Variants in STRADB observed in about 807,000 individuals in gnomAD.
STRADB encodes the protein STE20 related adaptor beta.
Under a neutral mutation model 52.1 loss-of-function variants are expected in STRADB, and 34 were observed. The ratio of observed to expected loss-of-function variants is 0.65; its 90% confidence interval spans 0.50 to 0.87. The LOEUF (loss-of-function observed/expected upper bound fraction) is 0.87. Ranked by LOEUF, STRADB falls within the 40% of genes least tolerant of loss-of-function variation. The pLI, the probability that STRADB is intolerant of heterozygous loss-of-function variation, is 0.00. For missense variants in STRADB, 340 were observed against 483.9 expected (o/e 0.70, Z 2.79); for synonymous variants, 133 against 174.5 (o/e 0.76, Z 1.87).
chr2:201,465,290 G>A (rs1277349996), intron 3 of STRADB, among the ~76,000 whole-genome samples: 2 of 152,206 alleles, frequency 1.3e-5, no homozygotes, highest in African/African-American at 2.4e-5. Flanking sequence ...TATTCAAGGC[G>A]CAAGGTCTTG....
rs1952169358 is a variant in STRADB, at chr2:201,458,878, T to C, written c.93+14T>C. 6.2e-7 allele frequency: 1 copy of C among 1,609,500 alleles called. No homozygotes were observed. The highest frequency in any genetic ancestry group is 1.3e-5 in the African/African-American group (1 of 74,740). On this transcript the variant is annotated intron_variant, in intron 3 of 11. Coordinates refer to ENST00000194530, the MANE Select transcript of STRADB (RefSeq NM_018571.6). ...CATCAATACTTGGTAAGAAAATGGT[T>C]AGGCTGGATGCAGTGGTTCACACCT...
intron 2 of STRADB, among the ~76,000 whole-genome samples, chr2:201,455,432 GA>G (rs747590471): frequency 0.55 from 83,327 of 151,280 alleles, 23,943 homozygotes; most frequent in Non-Finnish European, 0.65. Context: ...GTAATGAGTA[GA>G]CCACGTGTAG....
At position 201,478,735 on chromosome 2, in the gene STRADB, A is replaced by G. The variant is rs529849379; in HGVS notation, c.1070+134A>G. 50 of 1,085,776 alleles carry G rather than the reference A, an allele frequency of 4.6e-5. No homozygotes were observed. In the East Asian group the frequency reaches 5.5e-4, roughly 12 times the overall value. 67.3% of individuals were successfully genotyped at this position (1,085,776 alleles called of 1,614,324 possible). ...GTCTGCTCTAGAAAATATCAATGCT[A>G]AGAACAATTAGTGGGAACAAGCAAA... On this transcript the variant is annotated intron_variant, in intron 10 of 11. Transcript: ENST00000194530.
chr2:201,479,980 C>T, intron 11 of STRADB, 52 bp from the exon 12 acceptor site: 1 of 1,576,522 alleles, frequency 6.3e-7, no homozygotes, highest in African/African-American at 1.3e-5. Context: ...GCTAACAAAA[C>T]TGATATATTG....
chr2:201,473,310 C>T (rs1468019981), intron 5 of STRADB, among the ~76,000 whole-genome samples: 3 of 151,954 alleles, frequency 2.0e-5, no homozygotes, highest in African/African-American at 4.8e-5. Flanking sequence ...AGCTTATATG[C>T]GAATATTATG....
intron 3 of STRADB, among the ~76,000 whole-genome samples, chr2:201,460,547 C>T (rs1311306459): frequency 1.3e-5 from 2 of 151,912 alleles, no homozygotes; most frequent in Non-Finnish European, 1.5e-5. Context: ...CCTTCTTGGC[C>T]TCTATTCTCT....
chr2:201,453,389 A>G (rs1252681439), intron 1 of STRADB, among the ~76,000 whole-genome samples: 3 of 152,098 alleles, frequency 2.0e-5, no homozygotes, highest in Admixed American at 2.0e-4. Context: ...GTCAGCTACA[A>G]GTGGCCAGGG....
At chr2:201,459,001 A>G (rs910137096) in intron 3 of STRADB, 137 bp downstream of exon 3, 20 of 651,678 alleles carry the variant, frequency 3.1e-5, no homozygotes, top group East Asian at 1.4e-4. Flanking sequence ...ATCTTTAAAA[A>G]AAATGGTTGA....
chr2:201,458,124 TC>T (rs1383616847), intron 2 of STRADB, among the ~76,000 whole-genome samples: 3 of 152,240 alleles, frequency 2.0e-5, no homozygotes, highest in Non-Finnish European at 4.4e-5. Flanking sequence ...TACTTTTTCT[TC>T]CTAAATAGTA....
chr2:201,454,943 A>T, intron 2 of STRADB, 91 bp downstream of exon 2: 1 of 1,150,472 alleles, frequency 8.7e-7, no homozygotes, highest in Non-Finnish European at 1.3e-6. Flanking sequence ...TTCTGATGGG[A>T]TATTCTTATG....
chr2:201,463,331 C>CAA (rs574453771), intron 3 of STRADB, among the ~76,000 whole-genome samples: 102,290 of 113,168 alleles, frequency 0.9, 46,212 homozygotes, highest in East Asian at 0.94. Context: ...GAGACTGTCT[C>CAA]AAAAAAAAAA....
At chr2:201,479,399 C>T in intron 10 of STRADB, 90 bp from the exon 11 acceptor site, 1 of 1,185,792 alleles carries the variant, frequency 8.4e-7, no homozygotes, top group South Asian at 1.4e-5. Context: ...GGTTTTATAG[C>T]ACTAAACCTA....
chr2:201,471,527 C>T (rs890192857), intron 4 of STRADB, among the ~76,000 whole-genome samples: 1 of 152,162 alleles, frequency 6.6e-6, no homozygotes, highest in Non-Finnish European at 1.5e-5. Context: ...TTCTTTAACC[C>T]TTTGCCACTC....
chr2:201,477,638 A>G lies in STRADB; in HGVS notation c.568A>G (p.Ile190Val). The part of the protein sequence containing the change: ...CIHRSIKASH[I>V]LISGDGLVTL... The stretch of plus-strand genomic sequence containing the variant: ...TTCTAGGAGTATTAAAGCCAGCCAT[A>G]TCCTCATTTCTGGTGATGGCCTAGT... The change falls in exon 8 of 12, where the codon ATC becomes GTC. Residue 190 changes from isoleucine (I) to valine (V), a missense_variant. Coordinates refer to ENST00000194530, the MANE Select transcript of STRADB (RefSeq NM_018571.6). 6.2e-7 allele frequency: 1 copy of G among 1,607,556 alleles called. No individual in the cohort carries two copies. The highest frequency in any genetic ancestry group is 8.5e-7 in the Non-Finnish European group (1 of 1,175,130).
chr2:201,452,156 C>T (rs983951499), intron 1 of STRADB, among the ~76,000 whole-genome samples: 39 of 151,928 alleles, frequency 2.6e-4, no homozygotes, highest in African/African-American at 8.9e-4. Context: ...CTCAGCGGGG[C>T]CCGGGCCGCG....
chr2:201,454,448 C>A (rs995473258), intron 1 of STRADB, among the ~76,000 whole-genome samples: 1 of 152,124 alleles, frequency 6.6e-6, no homozygotes, highest in Non-Finnish European at 1.5e-5. Flanking sequence ...AAACAAAAAA[C>A]AGTATAGAAA....
intron 4 of STRADB, among the ~76,000 whole-genome samples, chr2:201,471,361 G>A (rs1459357291): frequency 6.6e-6 from 1 of 152,142 alleles, no homozygotes; most frequent in Non-Finnish European, 1.5e-5. Context: ...GACTTCATGT[G>A]GTTGGATTTA....
intron 1 of STRADB, among the ~76,000 whole-genome samples, chr2:201,453,660 T>C (rs1952084667): frequency 6.6e-6 from 1 of 152,248 alleles, no homozygotes; most frequent in South Asian, 2.1e-4. Context: ...AGTTTTGTAC[T>C]GCCATCAGTA....
At chr2:201,461,556 G>C (rs992094378) in intron 3 of STRADB, among the ~76,000 whole-genome samples, 5 of 152,144 alleles carry the variant, frequency 3.3e-5, no homozygotes, top group Non-Finnish European at 5.9e-5. Context: ...AAATTGGATT[G>C]TTTGAGCTCC....
Sources: allele counts gnomAD v4.1 joint callset (sites outside exome capture counted in the v4.1 genomes callset), GRCh38; gene constraint gnomAD v4.1.1; transcripts MANE v1.5; gene names NCBI Gene and HGNC (gene_info 2026-07-23, HGNC 2026-07-21).